CCDC180: variants seen among roughly 807,000 people sequenced by gnomAD.
The protein encoded by CCDC180 is coiled-coil domain-containing protein 180.
Under a neutral mutation model 209.2 loss-of-function variants are expected in CCDC180, and 154 were observed. The ratio of observed to expected loss-of-function variants is 0.74; its 90% CI spans 0.65 to 0.84. The LOEUF is 0.84. Among genes scored for constraint, CCDC180 ranks in the 40% least tolerant of loss-of-function variants. CCDC180 has a pLI of 0.00. For synonymous variants in CCDC180, 778 were observed against 749.1 expected (o/e 1.04, Z -0.63); for missense variants, 1,874 against 1,997.3 (o/e 0.94, Z 1.18).
chr9:97,312,209 T>A lies in CCDC180; in HGVS notation c.349+8T>A, dbSNP rs1260740333. On this transcript the variant is annotated splice_region_variant and intron_variant, in intron 4 of 36. Coordinates refer to ENST00000529487, the MANE Select transcript of CCDC180 (RefSeq NM_020893.6). ...GTCTCATGGATACTATAGGTGAGCC[T>A]CCATTCAGCCTCAAGGCAGGCCTGT... is the stretch of plus-strand genomic sequence containing the variant. The A allele has an allele frequency of 6.2e-7, 1 of 1,612,478 alleles. No individual in the cohort carries two copies. Among genetic ancestry groups the A allele is most frequent in the Non-Finnish European group, 8.5e-7 (1 of 1,178,724 alleles).
intron 13 of CCDC180, 122 bp from the exon 14 acceptor site, chr9:97,324,897 G>A: frequency 2.2e-6 from 2 of 901,950 alleles, no homozygotes; most frequent in Non-Finnish European, 3.3e-6. Context: ...AGTTGACCTT[G>A]AGGGACGGTG....
intron 10 of CCDC180, among the ~76,000 whole-genome samples, 167 bp from the exon 11 acceptor site, chr9:97,319,959 T>C: frequency 6.6e-6 from 1 of 152,180 alleles, no homozygotes; most frequent in Admixed American, 6.5e-5. Context: ...TTAAAAGACC[T>C]TTCAGCCATG....
intron 34 of CCDC180, chr9:97,372,232 G>A (rs931622322): frequency 2.6e-5 from 4 of 152,220 alleles, no homozygotes; most frequent in African/African-American, 9.7e-5. Flanking sequence ...CTTCACTGAT[G>A]ATGAAAAATG....
chr9:97,354,822 C>T (rs1826527588), intron 23 of CCDC180, 70 bp from the exon 24 acceptor site: 15 of 1,558,962 alleles, frequency 9.6e-6, no homozygotes, highest in Middle Eastern at 3.4e-4. Flanking sequence ...TGGGCCTGTC[C>T]CCCTCCTCCT....
intron 18 of CCDC180, among the ~76,000 whole-genome samples, 179 bp downstream of exon 18, chr9:97,330,946 G>T (rs978794484): frequency 6.6e-6 from 1 of 152,134 alleles, no homozygotes; most frequent in Non-Finnish European, 1.5e-5. Context: ...AGGTTCAGGG[G>T]TACATGTGCA....
intron 18 of CCDC180, among the ~76,000 whole-genome samples, chr9:97,339,484 C>T (rs994390196): frequency 2.0e-5 from 3 of 150,022 alleles, no homozygotes; most frequent in Non-Finnish European, 4.4e-5. Flanking sequence ...TGAATATTGG[C>T]CCCCACTCTC....
At chr9:97,315,581 A>G (rs1260258501) in intron 8 of CCDC180, among the ~76,000 whole-genome samples, 1 of 152,210 alleles carries the variant, frequency 6.6e-6, no homozygotes, top group South Asian at 2.1e-4. Context: ...CTCTGCTGCT[A>G]GAGAGGACTC....
chr9:97,314,970 A>G, intron 8 of CCDC180, 24 bp downstream of exon 8: 1 of 1,588,170 alleles, frequency 6.3e-7, no homozygotes, highest in East Asian at 2.2e-5. Context: ...CTGTGCAGGG[A>G]TCAGCCCATG....
chr9:97,343,867 T>C (rs867780170), intron 19 of CCDC180, among the ~76,000 whole-genome samples: 1 of 152,216 alleles, frequency 6.6e-6, no homozygotes, highest in Non-Finnish European at 1.5e-5. Context: ...TTCTAGTTCC[T>C]GGTACATCTG....
chr9:97,377,038 AC>A lies in CCDC180; in HGVS notation c.*145del. ...CCGGGCACTGTAGCTTTACCAGCGA[AC>A]AGGACACAGCATGGTCCCTGCCCAC... On this transcript the variant is annotated 3_prime_UTR_variant, in exon 37 of 37. Coordinates refer to ENST00000529487, the MANE Select transcript of CCDC180 (RefSeq NM_020893.6). 1 of 888,036 alleles carries A rather than the reference AC, an allele frequency of 1.1e-6. No individual in the cohort carries two copies. Among genetic ancestry groups the A allele is most frequent in the Admixed American group, 3.0e-5 (1 of 33,532 alleles). The allele number at this position is 888,036 out of a possible 1,614,324, so 55.0% of individuals were successfully genotyped here.
chr9:97,350,705 A>G (rs550990049), intron 22 of CCDC180, 150 bp downstream of exon 22: 650 of 838,468 alleles, frequency 7.8e-4, no homozygotes, highest in Non-Finnish European at 1.1e-3. Flanking sequence ...GATCAGTGGC[A>G]TTAAGGATAT....
chr9:97,312,105 T>C lies in CCDC180; in HGVS notation c.261-8T>C. ...CTGGGACTTCACTCTTCTCTGCTTG[T>C]GTCTCAGGGAAAAGGAAAGAGCCAA... is the stretch of plus-strand genomic sequence containing the variant. On this transcript the variant is annotated splice_polypyrimidine_tract_variant and splice_region_variant and intron_variant, in intron 3 of 36. Coordinates refer to ENST00000529487, the MANE Select transcript of CCDC180 (RefSeq NM_020893.6). 1.2e-6 allele frequency: 2 copies of C among 1,613,100 alleles called. No individual in the cohort carries two copies. The highest frequency in any genetic ancestry group is 1.7e-6 in the Non-Finnish European group (2 of 1,179,236).
chr9:97,334,468 C>T (rs1237337176), intron 18 of CCDC180, among the ~76,000 whole-genome samples: 2 of 152,206 alleles, frequency 1.3e-5, no homozygotes, highest in Non-Finnish European at 2.9e-5. Flanking sequence ...AGCCAAGCTC[C>T]AAACCCTGGT....
At chr9:97,308,515 T>C (rs559265705) in intron 2 of CCDC180, among the ~76,000 whole-genome samples, 1 of 152,352 alleles carries the variant, frequency 6.6e-6, no homozygotes, top group East Asian at 1.9e-4. Context: ...GACCCTTTTC[T>C]ATGCCCGTGG....
intron 34 of CCDC180, chr9:97,373,190 T>C (rs895167857): frequency 1.3e-5 from 2 of 152,230 alleles, no homozygotes; most frequent in Admixed American, 1.3e-4. Context: ...TTTTTTCTCA[T>C]CATGAAGTGA....
At chr9:97,367,595 TCCTGAGTAG>T (rs2117949773) in intron 31 of CCDC180, among the ~76,000 whole-genome samples, 1 of 151,982 alleles carries the variant, frequency 6.6e-6, no homozygotes, top group South Asian at 2.1e-4. Flanking sequence ...TGCCCCAGCC[TCCTGAGTAG>T]CTGGGACTAC....
In CCDC180 at chr9:97,313,310, G is replaced by T. The variant is rs1358148521; in HGVS notation, c.424G>T (p.Ala142Ser). ...HKRKSYESAL[A>S]SFQEEIAQVG... ...GAGGAAGAGCTACGAGAGCGCTCTG[G>T]CCAGCTTTCAGGAGGAGATTGCGCA... The change falls in exon 5 of 37, where the codon GCC becomes TCC. Residue 142 changes from alanine to serine, a missense_variant. Coordinates refer to ENST00000529487, the MANE Select transcript of CCDC180 (RefSeq NM_020893.6). The T allele has an allele frequency of 1.2e-6, 2 of 1,612,258 alleles. 1 individual carries two copies. Among genetic ancestry groups the T allele is most frequent in the Middle Eastern group, 3.3e-4 (2 of 6,052 alleles).
intron 2 of CCDC180, among the ~76,000 whole-genome samples, 179 bp from the exon 3 acceptor site, chr9:97,309,235 C>T (rs72749626): frequency 1.1e-3 from 163 of 152,284 alleles, no homozygotes; most frequent in Non-Finnish European, 2.1e-3. Flanking sequence ...GGCTGAGTGA[C>T]TGTTACTGGG....
chr9:97,309,652 G>A, intron 3 of CCDC180, 48 bp downstream of exon 3: 2 of 1,450,510 alleles, frequency 1.4e-6, no homozygotes, highest in Non-Finnish European at 1.8e-6. Flanking sequence ...GGGTACCTGA[G>A]CCTTCAAAAA....
Sources: gnomAD v4.1 joint callset for allele counts (sites outside exome capture counted in the v4.1 genomes callset) on GRCh38, gnomAD v4.1.1 for gene constraint, MANE v1.5 for transcripts, NCBI Gene and HGNC (gene_info 2026-07-23, HGNC 2026-07-21) for gene names.